Variants in TENM4 observed in about 807,000 individuals in gnomAD.
TENM4 encodes teneurin transmembrane protein 4.
TENM4 carries 82 observed loss-of-function variants against 243.3 expected under a neutral mutation model. The observed-to-expected ratio is 0.34, with a 90% CI of 0.28 to 0.40. The LOEUF (loss-of-function observed/expected upper bound fraction) is 0.40, where lower values mean the gene tolerates loss of function less well. Ranked by LOEUF, TENM4 falls within the 10% of genes least tolerant of loss-of-function variation. The pLI is 1.00. For missense variants in TENM4, 3,138 were observed against 3,673.3 expected (o/e 0.85, Z 3.77); for synonymous variants, 1,412 against 1,456.3 (o/e 0.97, Z 0.69).
chr11:79,393,774 A>G (rs553778112), intron 1 of TENM4, among the ~76,000 whole-genome samples: 1 of 152,324 alleles, frequency 6.6e-6, no homozygotes, highest in East Asian at 1.9e-4. Context: ...GTGTGTTCCA[A>G]TAGGTGGTGC....
At chr11:79,272,939 T>C (rs1361370764) in intron 2 of TENM4, among the ~76,000 whole-genome samples, 1 of 152,188 alleles carries the variant, frequency 6.6e-6, no homozygotes, top group Non-Finnish European at 1.5e-5. Context: ...GTATGCAATT[T>C]TGCTTGCTAA....
At chr11:78,823,348 G>C (rs1182677662) in intron 12 of TENM4, among the ~76,000 whole-genome samples, 2 of 152,224 alleles carry the variant, frequency 1.3e-5, no homozygotes, top group African/African-American at 2.4e-5. Flanking sequence ...CTGAGCACCT[G>C]ACCCAAGCCA....
At chr11:78,778,135 C>A (rs563915168) in intron 17 of TENM4, among the ~76,000 whole-genome samples, 30 of 152,242 alleles carry the variant, frequency 2.0e-4, no homozygotes, top group African/African-American at 7.2e-4. Flanking sequence ...CATAGATGCT[C>A]GTTGGACGAA....
chr11:79,023,556 T>C (rs1009803656), intron 6 of TENM4, among the ~76,000 whole-genome samples: 5 of 132,134 alleles, frequency 3.8e-5, no homozygotes, highest in Admixed American at 7.1e-5. Context: ...AGAAAGGCTC[T>C]GTCTCAAAAA....
chr11:79,182,956 TGG>T (rs1863312681), intron 3 of TENM4, among the ~76,000 whole-genome samples: 1 of 152,174 alleles, frequency 6.6e-6, no homozygotes, highest in Admixed American at 6.5e-5. Context: ...TCATTGCTCA[TGG>T]GAATGCATAA....
intron 16 of TENM4, among the ~76,000 whole-genome samples, chr11:78,780,094 C>T (rs1591017898): frequency 6.6e-6 from 1 of 152,164 alleles, no homozygotes; most frequent in Non-Finnish European, 1.5e-5. Context: ...TCGTGGAGTC[C>T]ATGAGATGCA....
chr11:78,750,390 G>C (rs988254134), intron 19 of TENM4, among the ~76,000 whole-genome samples: 6 of 152,228 alleles, frequency 3.9e-5, no homozygotes, highest in African/African-American at 1.4e-4. Flanking sequence ...TTTGATAAAT[G>C]ATGCTCTAAT....
intron 25 of TENM4, among the ~76,000 whole-genome samples, 185 bp from the exon 26 acceptor site, chr11:78,712,899 C>T (rs977092317): frequency 5.9e-5 from 9 of 152,156 alleles, no homozygotes; most frequent in Admixed American, 2.0e-4. Context: ...CTATCCTTCC[C>T]ACCCACTATT....
intron 1 of TENM4, among the ~76,000 whole-genome samples, chr11:79,305,894 G>T (rs1042110352): frequency 3.3e-5 from 5 of 152,206 alleles, no homozygotes; most frequent in African/African-American, 1.2e-4. Context: ...TAGCAGCCTG[G>T]CCACAGCAGC....
At chr11:78,984,223 T>C (rs1857867649) in intron 6 of TENM4, among the ~76,000 whole-genome samples, 1 of 152,154 alleles carries the variant, frequency 6.6e-6, no homozygotes, top group Admixed American at 6.5e-5. Flanking sequence ...AAAATGGGGA[T>C]TTACAACCTC....
At chr11:78,863,611 A>C (rs1021492755) in intron 9 of TENM4, among the ~76,000 whole-genome samples, 33 of 152,248 alleles carry the variant, frequency 2.2e-4, no homozygotes, top group African/African-American at 6.0e-4. Context: ...TTCATAGCAA[A>C]AGAAATGTAA....
intron 3 of TENM4, among the ~76,000 whole-genome samples, chr11:79,200,819 G>T (rs1399057738): frequency 6.6e-6 from 1 of 152,174 alleles, no homozygotes. Context: ...CATACTAGGG[G>T]ATTATTATGC....
At chr11:79,251,913 A>G (rs1161633750) in intron 2 of TENM4, among the ~76,000 whole-genome samples, 1 of 152,208 alleles carries the variant, frequency 6.6e-6, no homozygotes, top group Non-Finnish European at 1.5e-5. Context: ...AATAGACTTG[A>G]GGAAATTTCC....
chr11:78,742,631 C>T (rs547567690), intron 19 of TENM4, among the ~76,000 whole-genome samples: 9 of 152,242 alleles, frequency 5.9e-5, no homozygotes, highest in African/African-American at 1.9e-4. Flanking sequence ...CAGGAGGGAG[C>T]GCTTGTGCCA....
chr11:79,130,684 G>T (rs538754461), intron 4 of TENM4, among the ~76,000 whole-genome samples: 17 of 152,144 alleles, frequency 1.1e-4, no homozygotes, highest in Admixed American at 2.6e-4. Flanking sequence ...TTAGCTGGGC[G>T]TGGTGACAGG....
chr11:78,796,022 C>T (rs1340947632), intron 15 of TENM4, among the ~76,000 whole-genome samples: 5 of 152,206 alleles, frequency 3.3e-5, no homozygotes, highest in East Asian at 3.9e-4. Context: ...ATCGAGATGG[C>T]GGAAAGTTAA....
chr11:79,422,904 C>A (rs932109684), intron 1 of TENM4, among the ~76,000 whole-genome samples: 2 of 152,184 alleles, frequency 1.3e-5, no homozygotes, highest in African/African-American at 4.8e-5. Flanking sequence ...TTTAAAACAG[C>A]CTTCTGATAG....
At chr11:78,981,944 T>A (rs754618022) in intron 6 of TENM4, among the ~76,000 whole-genome samples, 1 of 152,224 alleles carries the variant, frequency 6.6e-6, no homozygotes, top group Non-Finnish European at 1.5e-5. Flanking sequence ...TCCACCACCA[T>A]GCACATCTCC....
chr11:78,836,653 T>A (rs1403090109), intron 12 of TENM4, among the ~76,000 whole-genome samples: 20 of 152,176 alleles, frequency 1.3e-4, no homozygotes. Context: ...AATCTCAGGA[T>A]TCTTTAAAAT....
Sources: gnomAD v4.1 joint callset for allele counts (sites outside exome capture counted in the v4.1 genomes callset) on GRCh38, gnomAD v4.1.1 for gene constraint, MANE v1.5 for transcripts, NCBI Gene and HGNC (gene_info 2026-07-23, HGNC 2026-07-21) for gene names.